The following HSD17B12 variants were observed in gnomAD, a reference collection of about 807,000 sequenced individuals.
HSD17B12 encodes the protein very-long-chain 3-oxoacyl-CoA reductase.
Under a neutral mutation model 39.3 loss-of-function variants are expected in HSD17B12, and 32 were observed. That is an observed-to-expected ratio of 0.81 (90% CI 0.61 to 1.09). The LOEUF is 1.09. Among genes scored for constraint, HSD17B12 ranks in the 50% least tolerant of loss-of-function variants. The pLI is 0.00. For missense variants in HSD17B12, 342 were observed against 382.9 expected, an observed-to-expected ratio of 0.89 and a Z score of 0.89; for synonymous variants, 150 against 146.7, an observed-to-expected ratio of 1.02 and a Z score of -0.16.
the HSD17B12 span, among the ~76,000 whole-genome samples, chr11:43,583,484 G>T: frequency 6.6e-6 from 1 of 152,146 alleles, no homozygotes; most frequent in African/African-American, 2.4e-5. Flanking sequence ...TTGCGGAAAG[G>T]GGTCTCTCAT....
intron 1 of HSD17B12, among the ~76,000 whole-genome samples, chr11:43,727,510 G>T (rs542521249): frequency 6.6e-6 from 1 of 150,870 alleles, no homozygotes; most frequent in Non-Finnish European, 1.5e-5. Context: ...TTTCGATAGG[G>T]AGTCTTGCTA....
At chr11:43,787,339 T>C (rs1008689042) in intron 3 of HSD17B12, among the ~76,000 whole-genome samples, 3 of 152,222 alleles carry the variant, frequency 2.0e-5, no homozygotes, top group Non-Finnish European at 4.4e-5. Context: ...AACTATGCTC[T>C]TTTGGTAAAT....
the HSD17B12 span, among the ~76,000 whole-genome samples, chr11:43,582,298 A>T: frequency 1.3e-5 from 2 of 152,208 alleles, no homozygotes; most frequent in African/African-American, 2.4e-5. Flanking sequence ...CAGCAGCCCC[A>T]TCCCGGCCTC....
intron 1 of HSD17B12, among the ~76,000 whole-genome samples, chr11:43,711,567 C>T (rs114896476): frequency 0.099 from 14,917 of 151,122 alleles, 768 homozygotes; most frequent in Non-Finnish European, 0.11. Context: ...ATCAGCCTCC[C>T]GGGCTTAAGT....
chr11:43,838,198 T>C (rs1006916032), intron 7 of HSD17B12, 119 bp from the exon 8 acceptor site: 3 of 719,528 alleles, frequency 4.2e-6, no homozygotes, highest in South Asian at 1.6e-5. Context: ...GGGAGAGATA[T>C]GTGGTAGAAA....
At chr11:43,691,490 A>T (rs1238732463) in intron 1 of HSD17B12, among the ~76,000 whole-genome samples, 2 of 152,128 alleles carry the variant, frequency 1.3e-5, no homozygotes, top group Non-Finnish European at 2.9e-5. Flanking sequence ...CTAGACAGGA[A>T]ATTGCCAAAT....
intron 6 of HSD17B12, among the ~76,000 whole-genome samples, chr11:43,827,600 A>G (rs574134241): frequency 5.3e-5 from 8 of 152,248 alleles, no homozygotes; most frequent in Non-Finnish European, 1.2e-4. Flanking sequence ...AAATATATAC[A>G]AACACTAAGA....
At chr11:43,631,573 G>GTCTC in the HSD17B12 span, among the ~76,000 whole-genome samples, 1 of 147,406 alleles carries the variant, frequency 6.8e-6, no homozygotes, top group Non-Finnish European at 1.5e-5. Flanking sequence ...CTCTCTGCCT[G>GTCTC]TCTCTCTCTC....
At chr11:43,779,725 A>G (rs745882666) in intron 3 of HSD17B12, among the ~76,000 whole-genome samples, 2 of 152,258 alleles carry the variant, frequency 1.3e-5, no homozygotes, top group Non-Finnish European at 2.9e-5. Flanking sequence ...CTTTGCTGGT[A>G]TAATATGTTC....
Position 43,692,655 on chromosome 11 carries a change from T to G in HSD17B12, c.160+11668T>G, listed in dbSNP as rs1158618591. On this transcript the variant is annotated intron_variant, in intron 1 of 10. Transcript: ENST00000278353. ...AAAGTTTTAGTAACACCTTGCTAAT[T>G]GGTAAGGCTTATTGGTAAGACTAAT... 3.3e-5 allele frequency among the ~76,000 whole-genome samples: 5 copies of G among 152,260 alleles called. No individual in the cohort carries two copies. In the East Asian group the frequency reaches 9.6e-4, roughly 29 times the overall value.
chr11:43,706,484 A>C (rs887466030), intron 1 of HSD17B12, among the ~76,000 whole-genome samples: 3 of 152,202 alleles, frequency 2.0e-5, no homozygotes, highest in Admixed American at 2.0e-4. Context: ...TGGAGGCTGC[A>C]GTGAGCCAAG....
the HSD17B12 span, among the ~76,000 whole-genome samples, chr11:43,666,988 G>A: frequency 6.6e-6 from 1 of 152,166 alleles, no homozygotes; most frequent in Non-Finnish European, 1.5e-5. Context: ...CCTGCAGATA[G>A]CAAACCAACT....
chr11:43,700,851 A>G lies in HSD17B12; in HGVS notation c.160+19864A>G, dbSNP rs148299340. ...TTTCCTTTATTTTGAGTATATACCCAGCAGTGGGATTGCTGGATCAAATGG... is the reference window on the plus strand; with the variant it reads ...TTTCCTTTATTTTGAGTATATACCCGGCAGTGGGATTGCTGGATCAAATGG... On this transcript the variant is annotated intron_variant, in intron 1 of 10. Transcript: ENST00000278353. 1.7e-3 allele frequency among the ~76,000 whole-genome samples: 262 copies of G among 152,330 alleles called. 2 individuals are homozygous for G. The East Asian group carries it at 0.024, about 14-fold the overall frequency.
chr11:43,613,299 T>C, the HSD17B12 span, among the ~76,000 whole-genome samples: 14 of 151,564 alleles, frequency 9.2e-5, no homozygotes, highest in Non-Finnish European at 1.9e-4. Flanking sequence ...GGCTGAGGTA[T>C]GGAAACTGCT....
At chr11:43,847,040 G>A (rs935891067) in intron 9 of HSD17B12, among the ~76,000 whole-genome samples, 1 of 151,780 alleles carries the variant, frequency 6.6e-6, no homozygotes, top group South Asian at 2.1e-4. Context: ...ATACGTTCTC[G>A]AGAAGAAACT....
chr11:43,730,047 T>G (rs896158487), intron 1 of HSD17B12, among the ~76,000 whole-genome samples: 1 of 149,718 alleles, frequency 6.7e-6, no homozygotes, highest in African/African-American at 2.5e-5. Context: ...TGTGTGTGTG[T>G]TTTTTTTTTA....
At chr11:43,588,411 G>A in the HSD17B12 span, among the ~76,000 whole-genome samples, 1 of 152,112 alleles carries the variant, frequency 6.6e-6, no homozygotes, top group African/African-American at 2.4e-5. Flanking sequence ...CAAGAAAGCA[G>A]CAAGTTGTTG....
chr11:43,591,664 T>G, the HSD17B12 span, among the ~76,000 whole-genome samples: 1 of 152,096 alleles, frequency 6.6e-6, no homozygotes, highest in Non-Finnish European at 1.5e-5. Context: ...TAAAATCTTG[T>G]TTCTTTGTGA....
At chr11:43,851,026 A>T (rs1951526041) in intron 9 of HSD17B12, among the ~76,000 whole-genome samples, 4 of 152,126 alleles carry the variant, frequency 2.6e-5, no homozygotes, top group Admixed American at 2.6e-4. Context: ...GCGCCACTGC[A>T]CTCCAGGCTG....
Sources: gnomAD v4.1 joint callset for allele counts (sites outside exome capture counted in the v4.1 genomes callset) on GRCh38, gnomAD v4.1.1 for gene constraint, MANE v1.5 for transcripts, NCBI Gene and HGNC (gene_info 2026-07-23, HGNC 2026-07-21) for gene names.